Variants in ATXN1 observed in about 807,000 individuals in gnomAD.
The protein encoded by ATXN1 is ataxin 1, also known as ataxin-1.
In ATXN1, 8 loss-of-function variants were observed where a neutral mutation model predicts 56.4. That is an observed-to-expected ratio of 0.14 (90% confidence interval 0.08 to 0.26). The LOEUF is 0.26. Ranked by LOEUF, ATXN1 falls within the 10% of genes least tolerant of loss-of-function variation. The pLI is 1.00. For missense variants in ATXN1, 987 were observed against 1,106.5 expected (o/e 0.89, Z 1.53); for synonymous variants, 514 against 494.6 (o/e 1.04, Z -0.52).
rs189352585 is a variant in ATXN1, at chr6:16,410,783, G to C, written c.-161+75189C>G. 6.6e-6 allele frequency among the ~76,000 whole-genome samples: 1 copy of C among 152,274 alleles called. No homozygotes were observed. The highest frequency in any genetic ancestry group is 1.9e-4 in the East Asian group (1 of 5,184). ...GAATTTGAAGTTAAGTCTCCTCTTA[G>C]TGTAGCAGTACGTATTTTGAATGAG... On this transcript the variant is annotated intron_variant, in intron 6 of 7. Transcript: ENST00000436367. The surrounding 1 kb of genome is among the most constrained non-coding windows in gnomAD (Gnocchi z 4.6).
chr6:16,756,655 T>C (rs989244411), intron 1 of ATXN1, among the ~76,000 whole-genome samples: 9 of 152,158 alleles, frequency 5.9e-5, no homozygotes, highest in African/African-American at 2.2e-4. Context: ...GAAAGTCAAA[T>C]AATCTATCTC....
chr6:16,445,779 T>C (rs1284012508), intron 6 of ATXN1, among the ~76,000 whole-genome samples: 1 of 149,184 alleles, frequency 6.7e-6, no homozygotes, highest in Non-Finnish European at 1.5e-5. Context: ...CGGTGTTTGG[T>C]TTTTTGTCCT....
chr6:16,414,238 C>G (rs1344115645), intron 6 of ATXN1, among the ~76,000 whole-genome samples: 1 of 152,158 alleles, frequency 6.6e-6, no homozygotes. Flanking sequence ...GTTCAGGGAC[C>G]TTTGGTCAGT....
rs193252995 is a variant in ATXN1 at position 16,383,053 on chromosome 6, A to G, written c.-160-54583T>C. On this transcript the variant is annotated intron_variant, in intron 6 of 7. Coordinates refer to ENST00000436367, the MANE Select transcript of ATXN1 (RefSeq NM_001128164.2). Reference sequence around the variant, plus strand: ...CTCCCATCTCGCCCTCCTCTCTTACAGGTCCCTATAATGGCTGTTCTTATG... The same window carrying G: ...CTCCCATCTCGCCCTCCTCTCTTACGGGTCCCTATAATGGCTGTTCTTATG... Among the ~76,000 whole-genome samples the G allele has an allele frequency of 6.1e-3, 925 of 152,134 alleles. 44 individuals are homozygous for G. Among genetic ancestry groups the G allele is most frequent in the Admixed American group, 0.055 (847 of 15,286 alleles).
intron 6 of ATXN1, among the ~76,000 whole-genome samples, chr6:16,329,215 G>C (rs1760922426): frequency 6.6e-6 from 1 of 152,018 alleles, no homozygotes; most frequent in South Asian, 2.1e-4. Flanking sequence ...GAAGCCCTTG[G>C]AGAGCATGAC....
At chr6:16,694,252 C>CTTTT (rs537104749) in intron 2 of ATXN1, among the ~76,000 whole-genome samples, 1 of 122,740 alleles carries the variant, frequency 8.1e-6, no homozygotes, top group Admixed American at 8.5e-5. Flanking sequence ...TTTTTTTTTT[C>CTTTT]TTTTTTTTTT....
At chr6:16,323,260 C>T (rs1760719838) in intron 7 of ATXN1, among the ~76,000 whole-genome samples, 1 of 152,164 alleles carries the variant, frequency 6.6e-6, no homozygotes, top group Non-Finnish European at 1.5e-5. Flanking sequence ...GTGGCTCACG[C>T]CTACAATCCC....
At chr6:16,429,050 G>T (rs1165177986) in intron 6 of ATXN1, among the ~76,000 whole-genome samples, 1 of 151,904 alleles carries the variant, frequency 6.6e-6, no homozygotes, top group African/African-American at 2.4e-5. Flanking sequence ...GGGCGGCGAG[G>T]GTAGGGGGGT....
At chr6:16,425,164 T>G (rs1759123831) in intron 6 of ATXN1, among the ~76,000 whole-genome samples, 1 of 152,262 alleles carries the variant, frequency 6.6e-6, no homozygotes, top group African/African-American at 2.4e-5. Flanking sequence ...TCAGATTCTG[T>G]GAAACAGAGC....
intron 3 of ATXN1, among the ~76,000 whole-genome samples, chr6:16,647,982 A>C (rs1376936410): frequency 6.6e-6 from 1 of 152,182 alleles, no homozygotes; most frequent in East Asian, 1.9e-4. Flanking sequence ...AGGCTGAGGC[A>C]GAAGATCTCT....
rs144311368 is a variant in ATXN1 at position 16,548,497 on chromosome 6, G to A, written c.-360-25809C>T. Among the ~76,000 whole-genome samples the A allele has an allele frequency of 4.1e-3, 624 of 152,010 alleles. 1 individual carries two copies. The highest frequency in any genetic ancestry group is 0.014 in the African/African-American group (587 of 41,444). Reference sequence around the variant, plus strand: ...ATAAACACATTATTTAAAACTTTTCGACTCTTGTAATAATACTTAGCTTAA... The same window carrying A: ...ATAAACACATTATTTAAAACTTTTCAACTCTTGTAATAATACTTAGCTTAA... On this transcript the variant is annotated intron_variant, in intron 4 of 7. Transcript: ENST00000436367.
rs533213112 is a variant in ATXN1 at position 16,359,135 on chromosome 6, G to T, written c.-160-30665C>A. Among the ~76,000 whole-genome samples, 3 of 152,334 alleles carry T rather than the reference G, an allele frequency of 2.0e-5. No individual in the cohort carries two copies. In the South Asian group the frequency reaches 6.2e-4, roughly 32 times the overall value. ...CCCACTCAGATCTCAGAGCTGGGTT[G>T]GGGCCAAGCCCCGGGGCCATGAATG... On this transcript the variant is annotated intron_variant, in intron 6 of 7. Transcript: ENST00000436367.
At chr6:16,611,438 A>G (rs1763103878) in intron 3 of ATXN1, among the ~76,000 whole-genome samples, 1 of 152,232 alleles carries the variant, frequency 6.6e-6, no homozygotes, top group African/African-American at 2.4e-5. Context: ...GAATAAAAAG[A>G]TGACAAAAAT....
Position 16,306,846 on chromosome 6 carries a change from A to G in ATXN1, c.1931T>C (p.Val644Ala). Reference protein sequence around the residue: ...GEHRAQVSVEVLVEYPFFVFG... With the variant: ...GEHRAQVSVEALVEYPFFVFG... ...CACAAAAAAAGGATACTCTACCAAA[A>G]CTTCAACGCTGACCTGTGGAAACAG... is the stretch of plus-strand genomic sequence containing the variant. The change falls in exon 8 of 8, where the codon GTT becomes GCT. Residue 644 changes from valine to alanine, a missense_variant. Val to Ala is a moderately conservative substitution (Grantham distance 64). This residue lies in a region of ATXN1 where 68 missense variants were observed against 118.1 expected (regional missense o/e 0.58). Coordinates refer to ENST00000436367, the MANE Select transcript of ATXN1 (RefSeq NM_001128164.2). The surrounding 1 kb of genome is among the most constrained non-coding windows in gnomAD (Gnocchi z 5.2). 1 of 1,608,122 alleles carries G rather than the reference A, an allele frequency of 6.2e-7. No individual in the cohort carries two copies.
At chr6:16,446,983 T>C (rs1759649396) in intron 6 of ATXN1, among the ~76,000 whole-genome samples, 1 of 152,222 alleles carries the variant, frequency 6.6e-6, no homozygotes, top group African/African-American at 2.4e-5. Context: ...CATTAGCATA[T>C]ATTCCCAGAT....
In ATXN1 at chr6:16,304,533, T is replaced by C. The variant is rs911558560; in HGVS notation, c.*1796A>G. ...TTGCTCACATATATAAATGTCTTTA[T>C]GGAAAACTCTCTCAATGAATCTGAA... On this transcript the variant is annotated 3_prime_UTR_variant, in exon 8 of 8. Coordinates refer to ENST00000436367, the MANE Select transcript of ATXN1 (RefSeq NM_001128164.2). 3 of 152,718 alleles carry C rather than the reference T, an allele frequency of 2.0e-5. No homozygotes were observed. The highest frequency in any genetic ancestry group is 2.1e-4 in the South Asian group (1 of 4,828). The allele number at this position is 152,718 out of a possible 1,614,324, so 9.5% of individuals were successfully genotyped here.
chr6:16,325,906 C>T (rs1229612212), intron 7 of ATXN1, among the ~76,000 whole-genome samples: 2 of 151,988 alleles, frequency 1.3e-5, no homozygotes, highest in East Asian at 3.9e-4. Context: ...TAGCTGGGAC[C>T]GAAGGCATAT....
In ATXN1 at chr6:16,592,862, G is replaced by A. The variant is rs78424976; in HGVS notation, c.-488-6955C>T. Among the ~76,000 whole-genome samples, 1,273 of 145,848 alleles carry A rather than the reference G, an allele frequency of 8.7e-3. 22 individuals carry two copies. The highest frequency in any genetic ancestry group is 0.066 in the East Asian group (323 of 4,874). On this transcript the variant is annotated intron_variant, in intron 3 of 7. Coordinates refer to ENST00000436367, the MANE Select transcript of ATXN1 (RefSeq NM_001128164.2). The stretch of plus-strand genomic sequence containing the variant: ...TCTGAGCAGGTTGCACTGGTGGCTG[G>A]TGCGGGTGGGGGTGGGGGGTTGGGG...
At chr6:16,543,524 A>C (rs1761755134) in intron 4 of ATXN1, among the ~76,000 whole-genome samples, 2 of 151,718 alleles carry the variant, frequency 1.3e-5, no homozygotes, top group African/African-American at 4.8e-5. Context: ...GATCAATTAC[A>C]TGTGAATTGA....
Sources: gnomAD v4.1 joint callset for allele counts (sites outside exome capture counted in the v4.1 genomes callset) on GRCh38, gnomAD v4.1.1 for gene constraint, gnomAD v4.1.1 regional missense constraint, Gnocchi (gnomAD v3.1) non-coding constraint, MANE v1.5 for transcripts, NCBI Gene and HGNC (gene_info 2026-07-23, HGNC 2026-07-21) for gene names.